CRLF3: variants seen among roughly 807,000 people sequenced by gnomAD.
CRLF3 encodes the protein cytokine receptor-like factor 3.
Under a neutral mutation model 55.0 loss-of-function variants are expected in CRLF3, and 33 were observed. The ratio of observed to expected loss-of-function variants is 0.60; its 90% CI spans 0.46 to 0.80. The LOEUF is 0.80. CRLF3 is among the 30% of genes least tolerant of loss of function. CRLF3 has a pLI of 0.00. For synonymous variants in CRLF3, 238 were observed against 196.8 expected (o/e 1.21, Z -1.75); for missense variants, 494 against 538.4 (o/e 0.92, Z 0.82).
At position 30,817,422 on chromosome 17, in the gene CRLF3, A is replaced by C. The variant is rs535459535; in HGVS notation, c.129+7101T>G. On this transcript the variant is annotated intron_variant, in intron 1 of 7. Coordinates refer to ENST00000324238, the MANE Select transcript of CRLF3 (RefSeq NM_015986.4). ...CACTGCACTCCAGTCTGGGTGACAA[A>C]GTGAGACCGTCTTCAAAAAAAAAAG... Among the ~76,000 whole-genome samples, 3 of 151,550 alleles carry C rather than the reference A, an allele frequency of 2.0e-5. No individual in the cohort carries two copies. In the South Asian group the frequency reaches 6.3e-4, roughly 32 times the overall value.
chr17:30,784,891 AGG>A, intron 7 of CRLF3: 1 of 158,964 alleles, frequency 6.3e-6, no homozygotes, highest in East Asian at 1.9e-4. Context: ...CTCGGATTAC[AGG>A]TATGTACCAC....
intron 1 of CRLF3, among the ~76,000 whole-genome samples, chr17:30,824,122 C>G: frequency 6.6e-6 from 1 of 152,108 alleles, no homozygotes; most frequent in Middle Eastern, 3.4e-3. Context: ...TGTCCCACCT[C>G]TTCCTCAGGC....
Position 30,813,866 on chromosome 17 carries a change from G to T in CRLF3, c.130-9758C>A, listed in dbSNP as rs190499926. Among the ~76,000 whole-genome samples, 58 of 151,344 alleles carry T rather than the reference G, an allele frequency of 3.8e-4. No individual in the cohort carries two copies. In the East Asian group the frequency reaches 9.1e-3, roughly 24 times the overall value. On this transcript the variant is annotated intron_variant, in intron 1 of 7. Coordinates refer to ENST00000324238, the MANE Select transcript of CRLF3 (RefSeq NM_015986.4). Reference sequence around the variant, plus strand: ...TCCTCATTTTACACAGAAGGAAACTGAAGATTAGGAAAATTTAGTTTCTCA... The same window carrying T: ...TCCTCATTTTACACAGAAGGAAACTTAAGATTAGGAAAATTTAGTTTCTCA...
chr17:30,784,681 G>A, intron 7 of CRLF3: 1 of 418,068 alleles, frequency 2.4e-6, no homozygotes, highest in East Asian at 3.8e-5. Context: ...ATTACCTCCT[G>A]TGAAATAGCA....
chr17:30,802,323 T>C (rs1490356012), intron 2 of CRLF3, among the ~76,000 whole-genome samples: 2 of 152,190 alleles, frequency 1.3e-5, no homozygotes, highest in Non-Finnish European at 2.9e-5. Flanking sequence ...GGTTTCACCA[T>C]GTTGGCCAGG....
intron 2 of CRLF3, among the ~76,000 whole-genome samples, chr17:30,803,172 A>T (rs957333069): frequency 2.1e-4 from 32 of 150,778 alleles, no homozygotes; most frequent in African/African-American, 4.2e-4. Context: ...TGTCAAAAAA[A>T]AAATATATAT....
rs905666038 is a variant in CRLF3, at chr17:30,783,453, C to T, written c.*734G>A. 2.6e-5 allele frequency: 4 copies of T among 152,256 alleles called. No individual in the cohort carries two copies. Among genetic ancestry groups the T allele is most frequent in the African/African-American group, 9.6e-5 (4 of 41,524 alleles). The allele number at this position is 152,256 out of a possible 1,614,324, so 9.4% of individuals were successfully genotyped here. ...CCAACATGGTGAAACCCTGTCTCTACTAAAAATACAAAAATTAGCCAGGTG... is the reference window on the plus strand; with the variant it reads ...CCAACATGGTGAAACCCTGTCTCTATTAAAAATACAAAAATTAGCCAGGTG... On this transcript the variant is annotated 3_prime_UTR_variant, in exon 8 of 8. Coordinates refer to ENST00000324238, the MANE Select transcript of CRLF3 (RefSeq NM_015986.4).
intron 1 of CRLF3, among the ~76,000 whole-genome samples, chr17:30,823,311 G>C (rs986712740): frequency 1.3e-5 from 2 of 151,804 alleles, no homozygotes; most frequent in Non-Finnish European, 2.9e-5. Flanking sequence ...GTTGCAGTGA[G>C]CCGAGATAGT....
rs2142234581 is a variant in CRLF3 at position 30,783,048 on chromosome 17, T to C, written c.*1139A>G. On this transcript the variant is annotated 3_prime_UTR_variant, in exon 8 of 8. Coordinates refer to ENST00000324238, the MANE Select transcript of CRLF3 (RefSeq NM_015986.4). The stretch of plus-strand genomic sequence containing the variant: ...TTAAAAAAAATAAGTATTTACGCTA[T>C]ATTTTTTTGCTCTGCTAAAAAGAGA... 6.6e-6 allele frequency: 1 copy of C among 152,344 alleles called. No individual in the cohort carries two copies. The highest frequency in any genetic ancestry group is 1.9e-4 in the East Asian group (1 of 5,188). 9.4% of individuals were successfully genotyped at this position (152,344 alleles called of 1,614,324 possible).
intron 2 of CRLF3, among the ~76,000 whole-genome samples, chr17:30,802,424 T>C (rs531782340): frequency 2.0e-5 from 3 of 148,728 alleles, no homozygotes; most frequent in African/African-American, 7.4e-5. Context: ...CCGGCCTTTA[T>C]TCTTAGTCTT....
At chr17:30,809,546 G>C (rs1904544027) in intron 1 of CRLF3, 1 of 152,200 alleles carries the variant, frequency 6.6e-6, no homozygotes, top group Non-Finnish European at 1.5e-5. Context: ...AGAAAGTGAG[G>C]ACCAAAGAAG....
chr17:30,816,725 G>A (rs563351710), intron 1 of CRLF3, among the ~76,000 whole-genome samples: 6 of 152,000 alleles, frequency 3.9e-5, no homozygotes, highest in Admixed American at 1.3e-4. Context: ...TTCTGGGCTC[G>A]AGATCTTCCC....
chr17:30,793,022 T>C (rs1291061880), intron 5 of CRLF3, among the ~76,000 whole-genome samples: 2 of 149,804 alleles, frequency 1.3e-5, no homozygotes, highest in African/African-American at 4.9e-5. Context: ...CCAGGTGTGG[T>C]GTGCATGCAG....
At chr17:30,790,831 T>A (rs1971782038) in intron 6 of CRLF3, 1 of 152,312 alleles carries the variant, frequency 6.6e-6, no homozygotes, top group Non-Finnish European at 1.5e-5. Flanking sequence ...TTGGCCAGGA[T>A]GGTCTCGATC....
chr17:30,817,175 C>T (rs534629140), intron 1 of CRLF3, among the ~76,000 whole-genome samples: 2 of 152,130 alleles, frequency 1.3e-5, no homozygotes, highest in Admixed American at 6.6e-5. Flanking sequence ...CAGTGGCTCA[C>T]GCTTGTAATC....
At chr17:30,823,059 A>G (rs1009485735) in intron 1 of CRLF3, among the ~76,000 whole-genome samples, 8 of 152,044 alleles carry the variant, frequency 5.3e-5, no homozygotes, top group African/African-American at 1.9e-4. Context: ...TGGCTTTACA[A>G]ATATTTTTAA....
chr17:30,806,985 T>C (rs1449515600), intron 1 of CRLF3, among the ~76,000 whole-genome samples: 4 of 152,024 alleles, frequency 2.6e-5, no homozygotes, highest in Non-Finnish European at 4.4e-5. Flanking sequence ...TGGTGGCTCA[T>C]GCCTGTAATC....
At position 30,796,163 on chromosome 17, in the gene CRLF3, A is replaced by G. The variant is rs754162157; in HGVS notation, c.600T>C (p.Cys200=). The change falls in exon 4 of 8, where the codon TGT becomes TGC. Residue 200 remains cysteine, a synonymous_variant. Coordinates refer to ENST00000324238, the MANE Select transcript of CRLF3 (RefSeq NM_015986.4). ...TCTAGAATTCTGAATTACATACCTT[A>G]CACCATCGTACAATGATGCCTCCAG... is the stretch of plus-strand genomic sequence containing the variant. ...EKPGGIIVRW[C]KVDDDFTAQD... 4 of 1,607,912 alleles carry G rather than the reference A, an allele frequency of 2.5e-6. No individual in the cohort carries two copies. Among genetic ancestry groups the G allele is most frequent in the Non-Finnish European group, 2.5e-6 (3 of 1,176,492 alleles).
rs1198860215 is a variant in CRLF3 at position 30,783,260 on chromosome 17, T to A, written c.*927A>T. ...ATACTGTAGCCTATACTGTATCAAATTGCAATGAAAGAACAAAAGGTACTA... is the reference window on the plus strand; with the variant it reads ...ATACTGTAGCCTATACTGTATCAAAATGCAATGAAAGAACAAAAGGTACTA... On this transcript the variant is annotated 3_prime_UTR_variant, in exon 8 of 8. Coordinates refer to ENST00000324238, the MANE Select transcript of CRLF3 (RefSeq NM_015986.4). 2.0e-5 allele frequency: 3 copies of A among 152,188 alleles called. No individual in the cohort carries two copies. The highest frequency in any genetic ancestry group is 7.2e-5 in the African/African-American group (3 of 41,430). 9.4% of individuals were successfully genotyped at this position (152,188 alleles called of 1,614,324 possible). A position where few individuals can be genotyped will look rare whatever the true frequency, so the allele number is the denominator to read the frequency against.
Sources: gnomAD v4.1 joint callset for allele counts (sites outside exome capture counted in the v4.1 genomes callset) on GRCh38, gnomAD v4.1.1 for gene constraint, MANE v1.5 for transcripts, NCBI Gene and HGNC (gene_info 2026-07-23, HGNC 2026-07-21) for gene names.